WDFY3: variants seen among roughly 807,000 people sequenced by gnomAD.
The protein encoded by WDFY3 is WD repeat and FYVE domain-containing protein 3.
Under a neutral mutation model 409.6 loss-of-function variants are expected in WDFY3, and 66 were observed. That is an observed-to-expected ratio of 0.16 (90% CI 0.13 to 0.20). The LOEUF is 0.20. WDFY3 is among the 10% of genes least tolerant of loss of function. WDFY3 has a pLI of 1.00. For synonymous variants in WDFY3, 1,521 were observed against 1,537.1 expected (o/e 0.99, Z 0.25); for missense variants, 3,031 against 4,298.1 (o/e 0.71, Z 8.24).
chr4:84,674,943 T>C (rs1234576393), intron 67 of WDFY3, among the ~76,000 whole-genome samples: 1 of 151,586 alleles, frequency 6.6e-6, no homozygotes, highest in Non-Finnish European at 1.5e-5. Flanking sequence ...GCCTGCTCTA[T>C]AAAACCCATT....
At chr4:84,703,645 G>A (rs968576035) in intron 55 of WDFY3, among the ~76,000 whole-genome samples, 49 of 152,088 alleles carry the variant, frequency 3.2e-4, no homozygotes, top group Non-Finnish European at 7.4e-5. Context: ...CCTGGAACAC[G>A]TATCTCCAGA....
intron 67 of WDFY3, among the ~76,000 whole-genome samples, chr4:84,674,921 G>A (rs977546637): frequency 1.5e-4 from 23 of 151,764 alleles, no homozygotes; most frequent in African/African-American, 4.8e-4. Flanking sequence ...TAGCGGCTCT[G>A]TGCTTTGAAA....
At chr4:84,826,045 G>A (rs1034578201) in intron 10 of WDFY3, among the ~76,000 whole-genome samples, 1 of 151,904 alleles carries the variant, frequency 6.6e-6, no homozygotes, top group Non-Finnish European at 1.5e-5. Flanking sequence ...TGTAACCTCC[G>A]TACATAGATT....
intron 5 of WDFY3, chr4:84,844,532 T>C (rs1367130280): frequency 7.8e-7 from 1 of 1,289,376 alleles, no homozygotes; most frequent in South Asian, 1.2e-5. Flanking sequence ...AAAGGCTGGG[T>C]TGTCTAAGTA....
intron 1 of WDFY3, among the ~76,000 whole-genome samples, chr4:84,955,595 A>G (rs1289854449): frequency 6.6e-6 from 1 of 152,146 alleles, no homozygotes; most frequent in African/African-American, 2.4e-5. Context: ...TACTATAGTT[A>G]TAAGATATTA....
chr4:84,938,106 A>AAAGGG (rs1361195592), intron 1 of WDFY3, among the ~76,000 whole-genome samples: 4 of 152,150 alleles, frequency 2.6e-5, no homozygotes, highest in Admixed American at 6.6e-5. Flanking sequence ...CTTCCATGAA[A>AAAGGG]ATGTAAAATC....
At chr4:84,926,504 A>G (rs1179761475) in intron 2 of WDFY3, among the ~76,000 whole-genome samples, 1 of 152,148 alleles carries the variant, frequency 6.6e-6, no homozygotes, top group African/African-American at 2.4e-5. Flanking sequence ...CACATCAAGT[A>G]TCTTTACTCA....
At chr4:84,937,214 AG>A (rs1489765473) in intron 1 of WDFY3, among the ~76,000 whole-genome samples, 2 of 152,238 alleles carry the variant, frequency 1.3e-5, no homozygotes, top group South Asian at 2.1e-4. Flanking sequence ...TTAAATCCAA[AG>A]GCCTATTAGT....
chr4:84,958,989 A>G (rs1265540029), intron 1 of WDFY3, among the ~76,000 whole-genome samples: 1 of 152,208 alleles, frequency 6.6e-6, no homozygotes, highest in Non-Finnish European at 1.5e-5. Flanking sequence ...TTATAATAAT[A>G]TAGTATATAA....
chr4:84,828,788 A>G (rs1755235531), intron 9 of WDFY3, among the ~76,000 whole-genome samples: 1 of 152,152 alleles, frequency 6.6e-6, no homozygotes, highest in Non-Finnish European at 1.5e-5. Context: ...AGTCCTAGTT[A>G]CTTGGGAGGC....
At chr4:84,848,753 T>A (rs1758462917) in intron 5 of WDFY3, among the ~76,000 whole-genome samples, 1 of 152,192 alleles carries the variant, frequency 6.6e-6, no homozygotes, top group Non-Finnish European at 1.5e-5. Flanking sequence ...TCTCTCCATT[T>A]AAACGTAAAC....
intron 8 of WDFY3, among the ~76,000 whole-genome samples, chr4:84,829,400 A>C (rs1755335586): frequency 6.6e-6 from 1 of 152,170 alleles, no homozygotes; most frequent in Admixed American, 6.5e-5. Flanking sequence ...GATAATACAG[A>C]AATGTGTTGA....
intron 1 of WDFY3, among the ~76,000 whole-genome samples, chr4:84,933,877 A>G (rs528237188): frequency 6.6e-6 from 1 of 152,264 alleles, no homozygotes; most frequent in East Asian, 1.9e-4. Context: ...TTATGGCTGA[A>G]TAGTATTCCA....
At chr4:84,916,490 T>TGCCA (rs1409212827) in intron 2 of WDFY3, among the ~76,000 whole-genome samples, 1 of 152,204 alleles carries the variant, frequency 6.6e-6, no homozygotes, top group Non-Finnish European at 1.5e-5. Context: ...TGAAGAATAC[T>TGCCA]GCCATTCTCG....
intron 3 of WDFY3, among the ~76,000 whole-genome samples, chr4:84,866,501 C>T (rs1241584172): frequency 6.6e-6 from 1 of 152,230 alleles, no homozygotes; most frequent in Non-Finnish European, 1.5e-5. Context: ...CCACCACGTC[C>T]TAGATGGAAG....
At chr4:84,677,527 T>C (rs895905954) in intron 66 of WDFY3, 131 bp from the exon 67 acceptor site, 8 of 769,068 alleles carry the variant, frequency 1.0e-5, no homozygotes, top group Non-Finnish European at 1.6e-5. Flanking sequence ...GACCCCTTGA[T>C]TCACTCAGAG....
At chr4:84,917,174 ACTAGTTTCTGACCTATTATCTTTTTT>A (rs1313511483) in intron 2 of WDFY3, among the ~76,000 whole-genome samples, 2 of 152,312 alleles carry the variant, frequency 1.3e-5, no homozygotes, top group Non-Finnish European at 1.5e-5. Context: ...TGGTAATATT[ACTAGTTTCTGACCTATTATCTTTTTT>A]CTATAAACTT....
intron 4 of WDFY3, among the ~76,000 whole-genome samples, chr4:84,859,704 T>C (rs970636935): frequency 3.3e-5 from 5 of 152,270 alleles, no homozygotes; most frequent in East Asian, 3.9e-4. Flanking sequence ...GCCTCCCGAA[T>C]AGCTGGGATT....
chr4:84,769,789 T>C (rs1744336139), intron 30 of WDFY3, among the ~76,000 whole-genome samples: 1 of 152,170 alleles, frequency 6.6e-6, no homozygotes, highest in Non-Finnish European at 1.5e-5. Flanking sequence ...GATATTTCAA[T>C]ACATGTGTAC....
Sources: allele counts gnomAD v4.1 joint callset (sites outside exome capture counted in the v4.1 genomes callset), GRCh38; gene constraint gnomAD v4.1.1; transcripts MANE v1.5; gene names NCBI Gene and HGNC (gene_info 2026-07-23, HGNC 2026-07-21).